SUN3: variants seen among roughly 807,000 people sequenced by gnomAD.
The protein encoded by SUN3 is Sad1 and UNC84 domain containing 3.
In SUN3, 36 loss-of-function variants were observed where a neutral mutation model predicts 48.2. The ratio of observed to expected loss-of-function variants is 0.75; its 90% CI spans 0.57 to 0.99. The LOEUF is 0.99. Among genes scored for constraint, SUN3 ranks in the 50% least tolerant of loss-of-function variants. The pLI is 0.00. For missense variants in SUN3, 419 were observed against 433.1 expected (o/e 0.97, Z 0.29); for synonymous variants, 148 against 147.9 (o/e 1.00, Z 0.00).
At chr7:48,003,613 G>T (rs1467975840) in intron 6 of SUN3, among the ~76,000 whole-genome samples, 1 of 152,090 alleles carries the variant, frequency 6.6e-6, no homozygotes, top group Non-Finnish European at 1.5e-5. Context: ...TTTTTGTAGA[G>T]ATCTTTCACC....
In SUN3 at chr7:47,989,948, C is replaced by G. The variant is rs907552673; in HGVS notation, c.862-1068G>C. 5.2e-4 allele frequency among the ~76,000 whole-genome samples: 79 copies of G among 152,336 alleles called. 1 individual carries two copies. Among genetic ancestry groups the G allele is most frequent in the Non-Finnish European group, 1.3e-4 (9 of 68,030 alleles). ...TCACCACTCCCTACTCTCAAGTACC[C>G]AGGGACACAAAACACTGCGGAAGGC... On this transcript the variant is annotated intron_variant, in intron 8 of 9. Coordinates refer to ENST00000297325, the MANE Select transcript of SUN3 (RefSeq NM_001030019.2).
chr7:48,012,791 A>G (rs1389222424), intron 3 of SUN3, among the ~76,000 whole-genome samples: 1 of 152,206 alleles, frequency 6.6e-6, no homozygotes, highest in Non-Finnish European at 1.5e-5. Flanking sequence ...GGTGGTGTTA[A>G]GAGGTAGGGT....
intron 9 of SUN3, 40 bp downstream of exon 9, chr7:47,988,748 T>G (rs1788968091): frequency 7.8e-7 from 1 of 1,284,432 alleles, no homozygotes; most frequent in Admixed American, 2.1e-5. Context: ...TTTCTCCCAG[T>G]GATAGAGCTA....
chr7:48,019,204 A>G (rs1337305496), intron 2 of SUN3, among the ~76,000 whole-genome samples: 1 of 152,164 alleles, frequency 6.6e-6, no homozygotes, highest in Admixed American at 6.5e-5. Context: ...GTGGATCAAC[A>G]TATGCATTGT....
At chr7:47,989,645 A>G (rs1368185443) in intron 8 of SUN3, among the ~76,000 whole-genome samples, 1 of 152,244 alleles carries the variant, frequency 6.6e-6, no homozygotes, top group African/African-American at 2.4e-5. Context: ...TGGATACATC[A>G]TGGTTACATA....
chr7:48,017,346 C>A lies in SUN3; in HGVS notation c.204G>T (p.Trp68Cys), dbSNP rs151247682. 1.2e-6 allele frequency: 2 copies of A among 1,602,446 alleles called. No individual in the cohort carries two copies. The highest frequency in any genetic ancestry group is 8.5e-7 in the Non-Finnish European group (1 of 1,171,814). Residue 68 changes from tryptophan to cysteine, a missense_variant, in exon 3 of 10, where the codon TGG (tryptophan) becomes TGT (cysteine). Trp to Cys is a radical substitution (Grantham distance 215). Coordinates refer to ENST00000297325, the MANE Select transcript of SUN3 (RefSeq NM_001030019.2). The part of the protein sequence containing the change: ...FLLVGLLNHQ[W>C]LKETDVPQKS... Reference sequence around the variant, plus strand: ...TCTGAGGAACATCTGTTTCTTTAAGCCACTGATGATTTAGGAGTCCTGTTA... The same window carrying A: ...TCTGAGGAACATCTGTTTCTTTAAGACACTGATGATTTAGGAGTCCTGTTA...
chr7:48,008,978 C>T (rs1789607735), intron 4 of SUN3, 57 bp downstream of exon 4: 1 of 1,538,624 alleles, frequency 6.5e-7, no homozygotes, highest in Non-Finnish European at 8.8e-7. Context: ...TGTACGAAAA[C>T]ATTTCAGTAT....
At chr7:48,010,266 C>T (rs984518306) in intron 3 of SUN3, among the ~76,000 whole-genome samples, 1 of 152,112 alleles carries the variant, frequency 6.6e-6, no homozygotes, top group Admixed American at 6.5e-5. Context: ...AAAGAGAGCA[C>T]CTTGGGGCAC....
intron 2 of SUN3, among the ~76,000 whole-genome samples, chr7:48,019,166 G>A (rs1188312454): frequency 6.6e-6 from 1 of 152,100 alleles, no homozygotes; most frequent in Admixed American, 6.5e-5. Context: ...AGTGAACAGA[G>A]CCCAAGACAC....
Position 47,990,209 on chromosome 7 carries a change from C to A in SUN3, c.862-1329G>T, listed in dbSNP as rs192138558. 3.6e-4 allele frequency among the ~76,000 whole-genome samples: 55 copies of A among 152,150 alleles called. 1 individual carries two copies. The highest frequency in any genetic ancestry group is 1.6e-3 in the Admixed American group (24 of 15,280). ...CAATGGAATGTCTCGGTGTAAAACC[C>A]GATTGAATATCCCATCTCCTGAGAT... On this transcript the variant is annotated intron_variant, in intron 8 of 9. Coordinates refer to ENST00000297325, the MANE Select transcript of SUN3 (RefSeq NM_001030019.2).
chr7:48,008,855 A>G (rs2128777376), intron 4 of SUN3, among the ~76,000 whole-genome samples, 180 bp downstream of exon 4: 1 of 152,054 alleles, frequency 6.6e-6, no homozygotes, highest in East Asian at 1.9e-4. Flanking sequence ...TTCCATCTGC[A>G]TATATACATA....
upstream of SUN3, among the ~76,000 whole-genome samples, chr7:48,032,311 A>C (rs1457516892): frequency 6.6e-6 from 1 of 152,218 alleles, no homozygotes; most frequent in Non-Finnish European, 1.5e-5. Flanking sequence ...TGAGATGATG[A>C]ATATGTCAAT....
At chr7:47,992,645 C>T (rs943250048) in intron 8 of SUN3, among the ~76,000 whole-genome samples, 1 of 151,450 alleles carries the variant, frequency 6.6e-6, no homozygotes, top group Non-Finnish European at 1.5e-5. Flanking sequence ...ATCAGGCCTA[C>T]CTAACAAGGC....
intron 8 of SUN3, 159 bp from the exon 9 acceptor site, chr7:47,989,039 G>T: frequency 2.1e-6 from 1 of 476,602 alleles, no homozygotes. Flanking sequence ...TATTTAACAA[G>T]GGGTCAATGA....
chr7:47,998,387 A>G (rs1267212256), intron 6 of SUN3, among the ~76,000 whole-genome samples: 1 of 152,082 alleles, frequency 6.6e-6, no homozygotes, highest in Admixed American at 6.5e-5. Flanking sequence ...TGTCTTCCAA[A>G]CCTTTTGCCT....
intron 1 of SUN3, among the ~76,000 whole-genome samples, chr7:48,027,914 T>G (rs554153602): frequency 7.2e-4 from 109 of 152,318 alleles, no homozygotes; most frequent in African/African-American, 2.5e-3. Context: ...GCTCTTTTGG[T>G]GGGCTGCATT....
intron 4 of SUN3, among the ~76,000 whole-genome samples, chr7:48,007,656 A>G (rs1051794310): frequency 6.6e-6 from 1 of 152,002 alleles, no homozygotes; most frequent in African/African-American, 2.4e-5. Flanking sequence ...TACCTTTCCA[A>G]TTGGGAACAC....
chr7:47,988,713 C>T (rs1788966719), intron 9 of SUN3, 75 bp downstream of exon 9: 1 of 860,002 alleles, frequency 1.2e-6, no homozygotes, highest in East Asian at 2.5e-5. Context: ...TCATACGTCA[C>T]TTTACATGAA....
intron 6 of SUN3, among the ~76,000 whole-genome samples, chr7:48,002,151 C>CTTTTTTTTTTTTTTT (rs71006541): frequency 1.6e-5 from 1 of 64,136 alleles, no homozygotes; most frequent in African/African-American, 1.0e-4. Flanking sequence ...TTGCATTTCT[C>CTTTTTTTTTTTTTTT]TTTTTTTTTT....
Sources: allele counts gnomAD v4.1 joint callset (sites outside exome capture counted in the v4.1 genomes callset), GRCh38; gene constraint gnomAD v4.1.1; transcripts MANE v1.5; gene names NCBI Gene and HGNC (gene_info 2026-07-23, HGNC 2026-07-21).